EEFSEC: variants seen among roughly 807,000 people sequenced by gnomAD.
EEFSEC encodes the protein selenocysteine-specific elongation factor.
In EEFSEC, 43 loss-of-function variants were observed where a neutral mutation model predicts 42.1. The ratio of observed to expected loss-of-function variants is 1.02; its 90% CI spans 0.80 to 1.32. The LOEUF (loss-of-function observed/expected upper bound fraction) is 1.32, where lower values mean the gene tolerates loss of function less well. EEFSEC is among the 40% of genes most tolerant of loss of function. EEFSEC has a pLI of 0.00. For synonymous variants in EEFSEC, 354 were observed against 339.1 expected (o/e 1.04, Z -0.48); for missense variants, 745 against 803.6 (o/e 0.93, Z 0.88).
At chr3:128,295,114 G>A (rs1256273603) in intron 4 of EEFSEC, among the ~76,000 whole-genome samples, 1 of 152,196 alleles carries the variant, frequency 6.6e-6, no homozygotes, top group African/African-American at 2.4e-5. Flanking sequence ...GGTCATCCAG[G>A]CTCAGGTGAA....
At position 128,386,481 on chromosome 3, in the gene EEFSEC, G is replaced by C. The variant is rs145283969; in HGVS notation, c.1601-21588G>C. ...TATGGTATCAGCTGAGACAGGCAGTGGGGGGGGGATGCAGTGACAGGTGAC... is the reference window on the plus strand; with the variant it reads ...TATGGTATCAGCTGAGACAGGCAGTCGGGGGGGGATGCAGTGACAGGTGAC... On this transcript the variant is annotated intron_variant, in intron 6 of 6. Coordinates refer to ENST00000254730, the MANE Select transcript of EEFSEC (RefSeq NM_021937.5). Among the ~76,000 whole-genome samples, 7 of 136,450 alleles carry C rather than the reference G, an allele frequency of 5.1e-5. No individual in the cohort carries two copies. The South Asian group carries it at 1.1e-3, about 22-fold the overall frequency. The allele number at this position is 136,450 out of a possible 152,430, so 89.5% of individuals were successfully genotyped here. A position where few individuals can be genotyped will look rare whatever the true frequency, so the allele number is the denominator to read the frequency against.
At position 128,315,455 on chromosome 3, in the gene EEFSEC, AGAGT is replaced by A. The variant is rs147042338; in HGVS notation, c.787-25777_787-25774del. Among the ~76,000 whole-genome samples the A allele has an allele frequency of 1.0e-3, 156 of 152,272 alleles. 1 individual carries two copies. The East Asian group carries it at 0.027, about 26-fold the overall frequency. ...ATACTCAGGAAATGGAGGCTGAGAG[AGAGT>A]AAGGCCCTTGCTCAAGGCCACACGG... On this transcript the variant is annotated intron_variant, in intron 4 of 6. Coordinates refer to ENST00000254730, the MANE Select transcript of EEFSEC (RefSeq NM_021937.5).
At chr3:128,170,824 G>A (rs1559852918) in intron 1 of EEFSEC, among the ~76,000 whole-genome samples, 1 of 152,198 alleles carries the variant, frequency 6.6e-6, no homozygotes, top group Non-Finnish European at 1.5e-5. Context: ...AAGAAAACTT[G>A]TTATGGCAAC....
At chr3:128,378,276 G>C (rs992287165) in intron 6 of EEFSEC, among the ~76,000 whole-genome samples, 3 of 152,168 alleles carry the variant, frequency 2.0e-5, no homozygotes, top group African/African-American at 7.2e-5. Context: ...CGAACCCAGA[G>C]CCCAGACCCA....
At chr3:128,250,122 T>C (rs771907225) in intron 2 of EEFSEC, among the ~76,000 whole-genome samples, 18 of 152,196 alleles carry the variant, frequency 1.2e-4, no homozygotes, top group Non-Finnish European at 1.9e-4. Flanking sequence ...TGTTGTTGAA[T>C]TGTAATAGTT....
rs77592760 is a variant in EEFSEC, at chr3:128,255,247, T to C, written c.525-6881T>C. Among the ~76,000 whole-genome samples, 997 of 151,906 alleles carry C rather than the reference T, an allele frequency of 6.6e-3. 13 individuals are homozygous for C. The highest frequency in any genetic ancestry group is 0.023 in the African/African-American group (948 of 41,430). On this transcript the variant is annotated intron_variant, in intron 2 of 6. Coordinates refer to ENST00000254730, the MANE Select transcript of EEFSEC (RefSeq NM_021937.5). ...AGGCCTGCAGTGGGCGCATGAGTGA[T>C]GAAGAAGGGCCTCTCGGGGACGTGA...
chr3:128,343,192 G>A (rs1576655380), intron 5 of EEFSEC, among the ~76,000 whole-genome samples: 1 of 152,168 alleles, frequency 6.6e-6, no homozygotes, highest in East Asian at 1.9e-4. Flanking sequence ...CACATGTGGT[G>A]GGCTTCCATC....
At chr3:128,335,110 A>G (rs2067175900) in intron 4 of EEFSEC, among the ~76,000 whole-genome samples, 1 of 152,224 alleles carries the variant, frequency 6.6e-6, no homozygotes, top group Non-Finnish European at 1.5e-5. Flanking sequence ...AAGAGGGCCC[A>G]TGTGGCTTGG....
chr3:128,416,295 C>G, the EEFSEC span, among the ~76,000 whole-genome samples: 1 of 152,068 alleles, frequency 6.6e-6, no homozygotes, highest in Non-Finnish European at 1.5e-5. Context: ...GGGCAGCTGC[C>G]GACACAGTGC....
At chr3:128,287,512 GC>G (rs1364742943) in intron 4 of EEFSEC, among the ~76,000 whole-genome samples, 1 of 152,204 alleles carries the variant, frequency 6.6e-6, no homozygotes, top group Non-Finnish European at 1.5e-5. Flanking sequence ...TTCTAAATAT[GC>G]AAAGCAAGGC....
chr3:128,398,256 T>A (rs1464324142), intron 6 of EEFSEC, among the ~76,000 whole-genome samples: 3 of 151,596 alleles, frequency 2.0e-5, no homozygotes, highest in Non-Finnish European at 2.9e-5. Context: ...CAAGCCAAGA[T>A]GCTACAGAGC....
chr3:128,399,087 TA>T (rs5852543), intron 6 of EEFSEC, among the ~76,000 whole-genome samples: 2,248 of 131,758 alleles, frequency 0.017, 52 homozygotes, highest in African/African-American at 0.073. Flanking sequence ...AATAAATAAA[TA>T]AATAAATAAA....
intron 1 of EEFSEC, among the ~76,000 whole-genome samples, chr3:128,200,499 G>A (rs1396758054): frequency 1.3e-5 from 2 of 152,042 alleles, no homozygotes; most frequent in Non-Finnish European, 2.9e-5. Context: ...TGTTGGTCAG[G>A]CTGGTCTCGA....
chr3:128,248,910 C>T (rs2066155533), intron 2 of EEFSEC, among the ~76,000 whole-genome samples: 1 of 152,136 alleles, frequency 6.6e-6, no homozygotes, highest in African/African-American at 2.4e-5. Context: ...GGAAATTGTC[C>T]ATCTGAGGGT....
chr3:128,319,492 A>G (rs1174119069), intron 4 of EEFSEC, among the ~76,000 whole-genome samples: 1 of 152,168 alleles, frequency 6.6e-6, no homozygotes, highest in Admixed American at 6.5e-5. Context: ...GCGATATAAC[A>G]TGACTCACGT....
intron 5 of EEFSEC, among the ~76,000 whole-genome samples, chr3:128,353,827 C>T (rs747608329): frequency 1.3e-5 from 2 of 152,236 alleles, no homozygotes; most frequent in African/African-American, 4.8e-5. Context: ...ACTGAGCCCC[C>T]TGTTCCCGAC....
intron 1 of EEFSEC, among the ~76,000 whole-genome samples, chr3:128,223,547 G>T (rs372197415): frequency 6.6e-6 from 1 of 152,106 alleles, no homozygotes; most frequent in Non-Finnish European, 1.5e-5. Context: ...TTGAATTATG[G>T]TATACAACTT....
intron 4 of EEFSEC, among the ~76,000 whole-genome samples, chr3:128,287,667 G>A (rs1280454802): frequency 4.6e-5 from 7 of 152,174 alleles, no homozygotes; most frequent in African/African-American, 7.2e-5. Flanking sequence ...TCAAAGTGCC[G>A]GTAAGAATAG....
At chr3:128,173,391 C>T (rs72985513) in intron 1 of EEFSEC, among the ~76,000 whole-genome samples, 3 of 152,170 alleles carry the variant, frequency 2.0e-5, no homozygotes, top group Non-Finnish European at 4.4e-5. Context: ...CAGTCAGATT[C>T]TTGAATGCCT....
Sources: allele counts gnomAD v4.1 joint callset (sites outside exome capture counted in the v4.1 genomes callset), GRCh38; gene constraint gnomAD v4.1.1; transcripts MANE v1.5; gene names NCBI Gene and HGNC (gene_info 2026-07-23, HGNC 2026-07-21).